EXT1: variants seen among roughly 807,000 people sequenced by gnomAD.
The protein encoded by EXT1 is exostosin glycosyltransferase 1, also known as exostosin-1.
In EXT1, 20 loss-of-function variants were observed where a neutral mutation model predicts 82.5. The observed-to-expected ratio is 0.24, with a 90% CI of 0.17 to 0.35. EXT1 has a LOEUF of 0.35. Ranked by LOEUF, EXT1 falls within the 10% of genes least tolerant of loss-of-function variation. EXT1 has a pLI of 1.00. For missense variants in EXT1, 757 were observed against 936.5 expected (o/e 0.81, Z 2.50); for synonymous variants, 348 against 350.8 (o/e 0.99, Z 0.09).
At chr8:118,009,025 C>T (rs1045272027) in intron 1 of EXT1, among the ~76,000 whole-genome samples, 1 of 152,002 alleles carries the variant, frequency 6.6e-6, no homozygotes, top group African/African-American at 2.4e-5. Context: ...TAAAAGGAAA[C>T]GGGAAAGTAG....
At chr8:117,911,856 A>G (rs1454461402) in intron 1 of EXT1, among the ~76,000 whole-genome samples, 1 of 152,220 alleles carries the variant, frequency 6.6e-6, no homozygotes, top group African/African-American at 2.4e-5. Flanking sequence ...CACTCAGTAA[A>G]TATTTGTTGA....
At chr8:117,931,991 A>G (rs1253205725) in intron 1 of EXT1, among the ~76,000 whole-genome samples, 1 of 152,242 alleles carries the variant, frequency 6.6e-6, no homozygotes, top group Non-Finnish European at 1.5e-5. Context: ...GAATGCATTT[A>G]CTTTATTTTT....
chr8:118,075,807 A>T (rs1260145515), intron 1 of EXT1, among the ~76,000 whole-genome samples: 1 of 152,064 alleles, frequency 6.6e-6, no homozygotes, highest in Non-Finnish European at 1.5e-5. Flanking sequence ...AGAGTAGGGG[A>T]GAGGTTTCAC....
chr8:117,800,534 G>GT (rs1563871837), intron 10 of EXT1, among the ~76,000 whole-genome samples: 1 of 152,188 alleles, frequency 6.6e-6, no homozygotes, highest in Non-Finnish European at 1.5e-5. Context: ...CCCCATTGAC[G>GT]TGACTCCATG....
chr8:118,000,608 T>C (rs755427438), intron 1 of EXT1, among the ~76,000 whole-genome samples: 4 of 152,226 alleles, frequency 2.6e-5, no homozygotes, highest in South Asian at 2.1e-4. Flanking sequence ...AAATACGCCC[T>C]GACCTCGCAG....
chr8:118,016,112 C>T (rs1167381876), intron 1 of EXT1, among the ~76,000 whole-genome samples: 4 of 152,188 alleles, frequency 2.6e-5, no homozygotes, highest in Non-Finnish European at 4.4e-5. Context: ...CCACTCCAGG[C>T]GGGGCGTGGT....
intron 1 of EXT1, among the ~76,000 whole-genome samples, chr8:117,992,415 G>A (rs1197362598): frequency 1.4e-5 from 2 of 146,346 alleles, no homozygotes; most frequent in Non-Finnish European, 3.0e-5. Flanking sequence ...AAGCCTCAAC[G>A]GGACCTCCTC....
chr8:118,075,717 G>A (rs965564786), intron 1 of EXT1, among the ~76,000 whole-genome samples: 3 of 152,144 alleles, frequency 2.0e-5, no homozygotes, highest in Admixed American at 1.3e-4. Context: ...ATCTGCTCGG[G>A]TTCTCCTGAG....
At chr8:118,045,326 T>C (rs1816605242) in intron 1 of EXT1, among the ~76,000 whole-genome samples, 1 of 152,234 alleles carries the variant, frequency 6.6e-6, no homozygotes, top group Non-Finnish European at 1.5e-5. Context: ...CGATTTCCTA[T>C]GCAAAGTATT....
chr8:118,006,465 C>G (rs542654385), intron 1 of EXT1, among the ~76,000 whole-genome samples: 3 of 152,226 alleles, frequency 2.0e-5, no homozygotes, highest in Admixed American at 2.0e-4. Context: ...TTTTTCAGAG[C>G]TGAACCAAGT....
At chr8:117,868,486 C>T (rs990829544) in intron 1 of EXT1, among the ~76,000 whole-genome samples, 3 of 152,172 alleles carry the variant, frequency 2.0e-5, no homozygotes, top group Non-Finnish European at 2.9e-5. Context: ...GGGTCTCATT[C>T]TGTCACCCAA....
intron 1 of EXT1, among the ~76,000 whole-genome samples, chr8:117,933,256 G>A (rs888498000): frequency 9.5e-5 from 7 of 73,588 alleles, no homozygotes; most frequent in African/African-American, 1.7e-4. Context: ...TTTTTTTTTT[G>A]GTTTATTTGA....
intron 7 of EXT1, among the ~76,000 whole-genome samples, chr8:117,813,269 T>C (rs888398637): frequency 1.3e-5 from 2 of 152,128 alleles, no homozygotes; most frequent in African/African-American, 4.8e-5. Flanking sequence ...GACCAGTCTT[T>C]GCTTGATACA....
At chr8:117,801,364 T>C (rs1458510215) in intron 10 of EXT1, among the ~76,000 whole-genome samples, 1 of 152,220 alleles carries the variant, frequency 6.6e-6, no homozygotes, top group Non-Finnish European at 1.5e-5. Flanking sequence ...AGCTTCATTC[T>C]TCAGCCTTTA....
chr8:118,086,491 T>C (rs1817421671), intron 1 of EXT1, among the ~76,000 whole-genome samples: 3 of 152,226 alleles, frequency 2.0e-5, no homozygotes, highest in South Asian at 2.1e-4. Flanking sequence ...GAGCTTTTAA[T>C]TGGGCACTTT....
At chr8:118,094,812 G>T (rs11992017) in intron 1 of EXT1, among the ~76,000 whole-genome samples, 3 of 152,024 alleles carry the variant, frequency 2.0e-5, no homozygotes, top group Admixed American at 2.0e-4. Context: ...TTTCGGATTC[G>T]GTCACAACTA....
chr8:118,028,704 A>G (rs1816246706), intron 1 of EXT1, among the ~76,000 whole-genome samples: 1 of 152,074 alleles, frequency 6.6e-6, no homozygotes, highest in Admixed American at 6.6e-5. Flanking sequence ...CTGAGGCGGA[A>G]GGAGCACCTG....
At chr8:117,896,164 G>A (rs1159108973) in intron 1 of EXT1, among the ~76,000 whole-genome samples, 2 of 152,170 alleles carry the variant, frequency 1.3e-5, no homozygotes, top group Non-Finnish European at 2.9e-5. Context: ...AGGCACACAT[G>A]CTTATGCCTG....
At chr8:118,093,669 T>C (rs1817561639) in intron 1 of EXT1, among the ~76,000 whole-genome samples, 2 of 152,322 alleles carry the variant, frequency 1.3e-5, no homozygotes, top group Admixed American at 6.5e-5. Flanking sequence ...GAAAGGCTCT[T>C]ACAATGTGTT....
Sources: gnomAD v4.1 joint callset for allele counts (sites outside exome capture counted in the v4.1 genomes callset) on GRCh38, gnomAD v4.1.1 for gene constraint, MANE v1.5 for transcripts, NCBI Gene and HGNC (gene_info 2026-07-23, HGNC 2026-07-21) for gene names.